Variants in NINL observed in about 807,000 individuals in gnomAD.
NINL encodes the protein ninein like.
Under a neutral mutation model 160.3 loss-of-function variants are expected in NINL, and 153 were observed. The ratio of observed to expected loss-of-function variants is 0.95; its 90% CI spans 0.84 to 1.09. The LOEUF (loss-of-function observed/expected upper bound fraction) is 1.09. NINL is among the 50% of genes least tolerant of loss of function. The pLI is 0.00. For synonymous variants in NINL, 800 were observed against 734.8 expected (o/e 1.09, Z -1.43); for missense variants, 1,829 against 1,764.0 (o/e 1.04, Z -0.66).
rs868207946 is a variant in NINL, at chr20:25,517,634, G to T, written c.277+119C>A. 67 of 721,542 alleles carry T rather than the reference G, an allele frequency of 9.3e-5. No individual in the cohort carries two copies. The Middle Eastern group carries it at 6.1e-3, about 65-fold the overall frequency. The allele number at this position is 721,542 out of a possible 1,614,324, so 44.7% of individuals were successfully genotyped here. ...TTTTCCAAGTCCATATACCTTGGGG[G>T]TGACAGAAAGTAAGGTAGAATTCAG... On this transcript the variant is annotated intron_variant, in intron 3 of 23. Coordinates refer to ENST00000278886, the MANE Select transcript of NINL (RefSeq NM_025176.6).
At chr20:25,473,260 TCTC>T (rs772797292) in intron 17 of NINL, among the ~76,000 whole-genome samples, 43 of 152,196 alleles carry the variant, frequency 2.8e-4, no homozygotes, top group Non-Finnish European at 5.1e-4. Context: ...TGTTGACAAT[TCTC>T]CTAATTGTAC....
chr20:25,475,527 G>A (rs1385242829), intron 17 of NINL, among the ~76,000 whole-genome samples: 1 of 152,170 alleles, frequency 6.6e-6, no homozygotes, highest in Non-Finnish European at 1.5e-5. Context: ...ACTAGCAAAA[G>A]TTATTGTTTA....
intron 5 of NINL, among the ~76,000 whole-genome samples, chr20:25,508,853 G>A (rs374850168): frequency 1.8e-4 from 28 of 151,860 alleles, no homozygotes; most frequent in African/African-American, 6.1e-4. Context: ...TAAGGATCCC[G>A]CAGTTTGCTC....
intron 1 of NINL, among the ~76,000 whole-genome samples, chr20:25,532,486 G>A (rs1222206181): frequency 6.6e-6 from 1 of 152,224 alleles, no homozygotes; most frequent in Non-Finnish European, 1.5e-5. Context: ...AAGGGGATCT[G>A]CAGCTCTGCT....
intron 1 of NINL, among the ~76,000 whole-genome samples, chr20:25,556,673 G>A (rs1354225043): frequency 1.3e-5 from 2 of 151,628 alleles, no homozygotes; most frequent in Non-Finnish European, 2.9e-5. Context: ...CAGGCATGGT[G>A]GTATATGCCT....
intron 1 of NINL, among the ~76,000 whole-genome samples, chr20:25,580,264 G>A (rs1163978326): frequency 6.6e-6 from 1 of 151,926 alleles, no homozygotes; most frequent in Non-Finnish European, 1.5e-5. Flanking sequence ...AACCCAGCAG[G>A]CAGAGGTTGC....
At chr20:25,539,947 G>C in intron 1 of NINL, 1 of 1,001,820 alleles carries the variant, frequency 1.0e-6, no homozygotes, top group Middle Eastern at 3.1e-4. Flanking sequence ...GGTTCCCGGG[G>C]GCTCCCAGGC....
intron 1 of NINL, among the ~76,000 whole-genome samples, chr20:25,550,543 C>T (rs951922514): frequency 6.6e-6 from 1 of 151,970 alleles, no homozygotes; most frequent in Non-Finnish European, 1.5e-5. Context: ...TATACTATCT[C>T]GGTGAGGGGG....
chr20:25,463,048 G>C (rs896924360), intron 19 of NINL, among the ~76,000 whole-genome samples: 1 of 152,168 alleles, frequency 6.6e-6, no homozygotes, highest in Non-Finnish European at 1.5e-5. Flanking sequence ...CTGAGGAAAT[G>C]TCTGGCAATG....
At chr20:25,455,554 G>A in intron 23 of NINL, 119 bp downstream of exon 23, 1 of 730,186 alleles carries the variant, frequency 1.4e-6, no homozygotes, top group Admixed American at 2.2e-5. Context: ...TATACATTTA[G>A]TTCCCTGGAA....
chr20:25,513,510 C>T (rs1200503176), intron 3 of NINL, among the ~76,000 whole-genome samples: 2 of 152,176 alleles, frequency 1.3e-5, no homozygotes, highest in Non-Finnish European at 2.9e-5. Context: ...AACAATCATC[C>T]CAAGACAGCA....
At chr20:25,518,472 TTC>T (rs987132958) in intron 2 of NINL, among the ~76,000 whole-genome samples, 3 of 152,358 alleles carry the variant, frequency 2.0e-5, no homozygotes, top group Admixed American at 2.0e-4. Flanking sequence ...AAGGTCCATT[TTC>T]TCTTTTAACA....
rs1396902160 is a variant in NINL, at chr20:25,476,100, T to C, written c.3191A>G (p.His1064Arg). The change falls in exon 17 of 24, where the codon CAT becomes CGT. Residue 1064 changes from histidine to arginine, a missense_variant. Transcript: ENST00000278886. ...EKDDMETKLL[H>R]LEDVVRALEK... ...CAGAGCCCGGACGACGTCTTCCAGA[T>C]GTAGAAGTTTGGTTTCCATGTCATC... 6.2e-7 allele frequency: 1 copy of C among 1,614,112 alleles called. No homozygotes were observed.
intron 1 of NINL, among the ~76,000 whole-genome samples, chr20:25,540,353 G>C (rs2064642235): frequency 1.3e-5 from 2 of 152,192 alleles, no homozygotes; most frequent in African/African-American, 4.8e-5. Flanking sequence ...AAACAAACTG[G>C]ATGCTGCCCC....
chr20:25,489,231 A>T lies in NINL; in HGVS notation c.1677+13T>A, dbSNP rs371101498. 1.9e-6 allele frequency: 3 copies of T among 1,613,610 alleles called. No individual in the cohort carries two copies. The highest frequency in any genetic ancestry group is 2.5e-6 in the Non-Finnish European group (3 of 1,179,488). On this transcript the variant is annotated intron_variant, in intron 13 of 23. Transcript: ENST00000278886. Reference sequence around the variant, plus strand: ...GGACATGAGACTAAAAGGCAGACAGAGCAGGCACGTACCCGGCACTTGAGC... The same window carrying T: ...GGACATGAGACTAAAAGGCAGACAGTGCAGGCACGTACCCGGCACTTGAGC...
At chr20:25,488,489 G>T in intron 13 of NINL, among the ~76,000 whole-genome samples, 1 of 152,072 alleles carries the variant, frequency 6.6e-6, no homozygotes, top group East Asian at 1.9e-4. Flanking sequence ...CTCCCAAAGT[G>T]CTGGGATTAC....
Position 25,453,568 on chromosome 20 carries a change from A to AAGT in NINL, c.4029_4031dup (p.Leu1344dup), listed in dbSNP as rs772908930. ...CTCGCTGCTTCTCCTCGGTGGCCTG[A>AAGT]AGTGCTCTCACCAGGTGGGCGTTCT... On this transcript the variant is annotated inframe_insertion, in exon 24 of 24. Transcript: ENST00000278886. 6.2e-7 allele frequency: 1 copy of AAGT among 1,614,028 alleles called. No homozygotes were observed. The highest frequency in any genetic ancestry group is 8.5e-7 in the Non-Finnish European group (1 of 1,179,984).
rs1446932250 is a variant in NINL at position 25,489,945 on chromosome 20, T to C, written c.1526A>G (p.Glu509Gly). Residue 509 changes from glutamate to glycine, a missense_variant, in exon 12 of 24, where the codon GAA becomes GGA. By Grantham distance (98) the Glu-to-Gly change is moderately conservative. Coordinates refer to ENST00000278886, the MANE Select transcript of NINL (RefSeq NM_025176.6). ...CAGCCTCTCCGAATCCGAAAGCTTT[T>C]CCACCACTTCCACAATCTCCTTCTG... ...RLQKEIVEVV[E>G]KLSDSERLAL... 1 of 1,614,182 alleles carries C rather than the reference T, an allele frequency of 6.2e-7. No individual in the cohort carries two copies. The highest frequency in any genetic ancestry group is 8.5e-7 in the Non-Finnish European group (1 of 1,180,022).
chr20:25,549,771 T>C (rs574657011), intron 1 of NINL, among the ~76,000 whole-genome samples: 43 of 152,316 alleles, frequency 2.8e-4, no homozygotes, highest in African/African-American at 9.6e-4. Context: ...TGAGCCACTC[T>C]TTCCAACCAA....
Sources: allele counts gnomAD v4.1 joint callset (sites outside exome capture counted in the v4.1 genomes callset), GRCh38; gene constraint gnomAD v4.1.1; transcripts MANE v1.5; gene names NCBI Gene and HGNC (gene_info 2026-07-23, HGNC 2026-07-21).